COL4A4: variants seen among roughly 807,000 people sequenced by gnomAD.
COL4A4 encodes collagen alpha-4(IV) chain.
In COL4A4, 105 loss-of-function variants were observed where a neutral mutation model predicts 192.9. That is an observed-to-expected ratio of 0.54 (90% CI 0.46 to 0.64). The LOEUF (loss-of-function observed/expected upper bound fraction) is 0.64, where lower values mean the gene tolerates loss of function less well. COL4A4 is among the 30% of genes least tolerant of loss of function. The pLI is 0.00. For synonymous variants in COL4A4, 762 were observed against 769.9 expected (o/e 0.99, Z 0.17); for missense variants, 1,967 against 2,169.3 (o/e 0.91, Z 1.85).
At chr2:227,150,709 A>G (rs917832808) in intron 1 of COL4A4, among the ~76,000 whole-genome samples, 1 of 152,174 alleles carries the variant, frequency 6.6e-6, no homozygotes, top group Non-Finnish European at 1.5e-5. Context: ...CAGAAGGAGT[A>G]CTGAGCAAAG....
At chr2:227,077,003 G>T (rs995816218) in intron 25 of COL4A4, among the ~76,000 whole-genome samples, 3 of 152,166 alleles carry the variant, frequency 2.0e-5, no homozygotes, top group Non-Finnish European at 4.4e-5. Context: ...ATGCTGGAGA[G>T]GATATGGAGA....
intron 29 of COL4A4, among the ~76,000 whole-genome samples, chr2:227,057,068 C>T (rs1191050889): frequency 6.6e-6 from 1 of 152,166 alleles, no homozygotes; most frequent in East Asian, 1.9e-4. Context: ...GATCCTAATG[C>T]TCTTTACCTG....
chr2:227,072,080 T>C lies in COL4A4; in HGVS notation c.1987+5814A>G, dbSNP rs1008664791. On this transcript the variant is annotated intron_variant, in intron 25 of 47. Transcript: ENST00000396625. ...AAATGAAATGCAAACCAAAAAAATA[T>C]GAAAAATTAATGAATAAAAAGCTAG... 7.9e-5 allele frequency among the ~76,000 whole-genome samples: 12 copies of C among 151,056 alleles called. No homozygotes were observed. In the South Asian group the frequency reaches 1.7e-3, roughly 21 times the overall value.
chr2:227,154,197 C>A (rs551219113), intron 1 of COL4A4, among the ~76,000 whole-genome samples: 88 of 152,184 alleles, frequency 5.8e-4, no homozygotes, highest in Non-Finnish European at 9.8e-4. Context: ...TTTTTCTCCC[C>A]CCTTCACTCC....
chr2:227,133,444 G>A (rs1052126669), intron 4 of COL4A4, among the ~76,000 whole-genome samples: 22 of 152,238 alleles, frequency 1.4e-4, no homozygotes, highest in African/African-American at 5.1e-4. Flanking sequence ...TCAGTCTACT[G>A]AAATGATGTT....
intron 34 of COL4A4, among the ~76,000 whole-genome samples, chr2:227,047,874 T>C (rs900103920): frequency 1.3e-5 from 2 of 152,202 alleles, no homozygotes; most frequent in Non-Finnish European, 2.9e-5. Flanking sequence ...TTATTTGGCA[T>C]TGAGTGGCTA....
rs915662820 is a variant in COL4A4 at position 227,062,624 on chromosome 2, T to C, written c.1988-26A>G. 14 of 1,539,222 alleles carry C rather than the reference T, an allele frequency of 9.1e-6. No individual in the cohort carries two copies. In the African/African-American group the frequency reaches 1.9e-4, roughly 21 times the overall value. ...CTGCAATGAGAAAAGAAAAGCGGCA[T>C]TCACATAACTGATAGCCCAGTGCAA... On this transcript the variant is annotated intron_variant, in intron 25 of 47. Coordinates refer to ENST00000396625, the MANE Select transcript of COL4A4 (RefSeq NM_000092.5).
chr2:227,082,776 C>T (rs574436168), intron 22 of COL4A4, among the ~76,000 whole-genome samples: 2 of 152,184 alleles, frequency 1.3e-5, no homozygotes, highest in Non-Finnish European at 2.9e-5. Context: ...GAATTAAGAA[C>T]CTTTTCTGAA....
At position 227,041,773 on chromosome 2, in the gene COL4A4, AGG is replaced by A. The variant is rs1559475811; in HGVS notation, c.3505+373_3505+374del. Among the ~76,000 whole-genome samples the A allele has an allele frequency of 5.4e-4, 60 of 111,250 alleles. 2 individuals carry two copies. Among genetic ancestry groups the A allele is most frequent in the African/African-American group, 1.1e-3 (33 of 29,360 alleles). The allele number at this position is 111,250 out of a possible 152,430, so 73.0% of individuals were successfully genotyped here. On this transcript the variant is annotated intron_variant, in intron 37 of 47. Transcript: ENST00000396625. Reference sequence around the variant, plus strand: ...AAGGAAGGAAGGAAGGAAGGAAGGAAGGAAGGAAGGAAGGGAAAGAAAGAAAG... The same window carrying A: ...AAGGAAGGAAGGAAGGAAGGAAGGAAAAGGAAGGAAGGGAAAGAAAGAAAG...
At chr2:227,125,960 C>T (rs964627255) in intron 4 of COL4A4, among the ~76,000 whole-genome samples, 4 of 152,158 alleles carry the variant, frequency 2.6e-5, no homozygotes, top group Non-Finnish European at 4.4e-5. Context: ...ACAACAAACT[C>T]TTTATAAAAT....
intron 25 of COL4A4, among the ~76,000 whole-genome samples, chr2:227,070,325 T>A (rs1229573768): frequency 2.6e-5 from 4 of 152,036 alleles, no homozygotes; most frequent in African/African-American, 9.7e-5. Context: ...TCCTCAGGGA[T>A]CTAGAACTAG....
chr2:227,104,066 G>A lies in COL4A4; in HGVS notation c.736-14C>T, dbSNP rs1480873102. ...ACCAACCTCACCCTTAAAAAAAAAA[G>A]CAAGATAATGAAAATTTCATATTAA... On this transcript the variant is annotated splice_polypyrimidine_tract_variant and intron_variant, in intron 12 of 47. Coordinates refer to ENST00000396625, the MANE Select transcript of COL4A4 (RefSeq NM_000092.5). The A allele has an allele frequency of 6.3e-7, 1 of 1,588,912 alleles. No homozygotes were observed. The highest frequency in any genetic ancestry group is 8.6e-7 in the Non-Finnish European group (1 of 1,160,120).
At position 227,104,076 on chromosome 2, in the gene COL4A4, G is replaced by A. The variant is rs756736282; in HGVS notation, c.736-24C>T. ...CCCTTAAAAAAAAAAGCAAGATAATGAAAATTTCATATTAATTTATGTTTT... is the reference window on the plus strand; with the variant it reads ...CCCTTAAAAAAAAAAGCAAGATAATAAAAATTTCATATTAATTTATGTTTT... On this transcript the variant is annotated intron_variant, in intron 12 of 47. Coordinates refer to ENST00000396625, the MANE Select transcript of COL4A4 (RefSeq NM_000092.5). 5.0e-6 allele frequency: 8 copies of A among 1,591,542 alleles called. No individual in the cohort carries two copies. The Admixed American group carries it at 1.2e-4, about 23-fold the overall frequency.
intron 8 of COL4A4, among the ~76,000 whole-genome samples, chr2:227,112,986 C>CGATTA (rs1398235676): frequency 1.3e-5 from 2 of 152,200 alleles, no homozygotes; most frequent in Admixed American, 1.3e-4. Context: ...ATTACTTCCA[C>CGATTA]CTTTTGGCTA....
In COL4A4 at chr2:227,099,707, T is replaced by C. The variant is rs772361020; in HGVS notation, c.1030-18A>G. ...GGATCCCCCTGAAATCATTCATTCA[T>C]TCACTTTTTAAAGGAATATTAATTT... is the stretch of plus-strand genomic sequence containing the variant. On this transcript the variant is annotated intron_variant, in intron 17 of 47. Coordinates refer to ENST00000396625, the MANE Select transcript of COL4A4 (RefSeq NM_000092.5). 1 of 1,612,162 alleles carries C rather than the reference T, an allele frequency of 6.2e-7. No homozygotes were observed.
In COL4A4 at chr2:227,033,402, G is replaced by C. The variant is rs2149992583; in HGVS notation, c.3577+8C>G. ...GCTCAGTCTGTTACGAATCGATTAG[G>C]TGCTTACCTGAAGCACCTTTAGTTC... On this transcript the variant is annotated splice_region_variant and intron_variant, in intron 38 of 47. Transcript: ENST00000396625. The C allele has an allele frequency of 6.2e-7, 1 of 1,610,200 alleles. No homozygotes were observed. The highest frequency in any genetic ancestry group is 2.2e-5 in the East Asian group (1 of 44,870).
intron 45 of COL4A4, among the ~76,000 whole-genome samples, chr2:227,011,440 C>T (rs1037011680): frequency 6.6e-6 from 1 of 152,182 alleles, no homozygotes; most frequent in Admixed American, 6.5e-5. Context: ...CTATAATTGG[C>T]TGGAGCTGCG....
At position 227,022,036 on chromosome 2, in the gene COL4A4, T is replaced by C. The variant is rs1324769989; in HGVS notation, c.4216+12A>G. Reference sequence around the variant, plus strand: ...TCATGAAAATAATGAACAATCAGCATGCGGCTCATACCTGGTCCTGAGGGG... The same window carrying C: ...TCATGAAAATAATGAACAATCAGCACGCGGCTCATACCTGGTCCTGAGGGG... On this transcript the variant is annotated intron_variant, in intron 44 of 47. Transcript: ENST00000396625. 3 of 1,612,052 alleles carry C rather than the reference T, an allele frequency of 1.9e-6. No homozygotes were observed. Among genetic ancestry groups the C allele is most frequent in the Admixed American group, 3.4e-5 (2 of 59,698 alleles).
chr2:227,027,767 A>C, intron 42 of COL4A4, 135 bp downstream of exon 42: 1 of 741,500 alleles, frequency 1.3e-6, no homozygotes, highest in Non-Finnish European at 2.4e-6. Flanking sequence ...GGCCTGAAAG[A>C]AATATACTCT....
Sources: gnomAD v4.1 joint callset for allele counts (sites outside exome capture counted in the v4.1 genomes callset) on GRCh38, gnomAD v4.1.1 for gene constraint, MANE v1.5 for transcripts, NCBI Gene and HGNC (gene_info 2026-07-23, HGNC 2026-07-21) for gene names.